CLVS1: variants seen among roughly 807,000 people sequenced by gnomAD.
CLVS1 encodes clavesin 1.
Under a neutral mutation model 33.1 loss-of-function variants are expected in CLVS1, and 10 were observed. The ratio of observed to expected loss-of-function variants is 0.30; its 90% CI spans 0.19 to 0.51. The LOEUF is 0.51. Among genes scored for constraint, CLVS1 ranks in the 20% least tolerant of loss-of-function variants. The pLI, the probability that CLVS1 is intolerant of heterozygous loss-of-function variation, is 0.97. For synonymous variants in CLVS1, 163 were observed against 166.1 expected (o/e 0.98, Z 0.14); for missense variants, 343 against 433.4 (o/e 0.79, Z 1.85).
chr8:61,241,994 T>C (rs1808706407), intron 2 of CLVS1, among the ~76,000 whole-genome samples: 1 of 152,190 alleles, frequency 6.6e-6, no homozygotes, highest in Non-Finnish European at 1.5e-5. Context: ...GTCTCTATTT[T>C]TTCTAAACGT....
chr8:61,414,800 C>G (rs1449747031), intron 3 of CLVS1, among the ~76,000 whole-genome samples: 1 of 152,206 alleles, frequency 6.6e-6, no homozygotes, highest in Non-Finnish European at 1.5e-5. Flanking sequence ...CAGGTAGCTT[C>G]CCCCAGGCCT....
At chr8:61,303,476 T>G (rs1281458716) in intron 2 of CLVS1, among the ~76,000 whole-genome samples, 1 of 151,992 alleles carries the variant, frequency 6.6e-6, no homozygotes, top group African/African-American at 2.4e-5. Flanking sequence ...GGAAGGGACT[T>G]AAAAATTCAC....
chr8:61,490,764 G>C (rs1306110154), intron 5 of CLVS1, among the ~76,000 whole-genome samples: 3 of 151,358 alleles, frequency 2.0e-5, no homozygotes, highest in Non-Finnish European at 2.9e-5. Flanking sequence ...TTCAGGACCA[G>C]CCTGGCCAAC....
the CLVS1 span, among the ~76,000 whole-genome samples, chr8:60,979,861 C>T: frequency 4.6e-5 from 7 of 152,164 alleles, no homozygotes; most frequent in Admixed American, 1.3e-4. Context: ...TTGTAGAACT[C>T]TTTTGGAAAA....
At chr8:61,055,146 A>G (rs1182260349), upstream of CLVS1, among the ~76,000 whole-genome samples, 1 of 152,244 alleles carries the variant, frequency 6.6e-6, no homozygotes, top group Non-Finnish European at 1.5e-5. Context: ...TTGAATTTGT[A>G]GCATTTGACA....
At chr8:61,162,826 C>T (rs899527221) in intron 2 of CLVS1, among the ~76,000 whole-genome samples, 4 of 152,130 alleles carry the variant, frequency 2.6e-5, no homozygotes, top group African/African-American at 9.7e-5. Context: ...TTTTATATCT[C>T]GAGAGCCTGG....
intron 2 of CLVS1, among the ~76,000 whole-genome samples, chr8:61,307,074 C>G (rs954634317): frequency 6.6e-6 from 1 of 152,080 alleles, no homozygotes; most frequent in African/African-American, 2.4e-5. Flanking sequence ...GTTGGTGAAT[C>G]CAGATAATAA....
At chr8:61,059,190 A>G (rs983848779) in intron 1 of CLVS1, among the ~76,000 whole-genome samples, 22 of 152,048 alleles carry the variant, frequency 1.4e-4, no homozygotes, top group Non-Finnish European at 2.8e-4. Context: ...TAGTTCCTCC[A>G]TACCTTAGCC....
At chr8:61,251,007 A>T (rs1034742570) in intron 2 of CLVS1, among the ~76,000 whole-genome samples, 3 of 152,206 alleles carry the variant, frequency 2.0e-5, no homozygotes, top group Non-Finnish European at 4.4e-5. Context: ...TTCAAAGGGA[A>T]TGCTTCCAGT....
intron 1 of CLVS1, among the ~76,000 whole-genome samples, chr8:61,058,025 A>G (rs545758634): frequency 6.6e-6 from 1 of 152,382 alleles, no homozygotes; most frequent in East Asian, 1.9e-4. Context: ...TATGGAAAAC[A>G]GACACAATAA....
intron 3 of CLVS1, among the ~76,000 whole-genome samples, chr8:61,428,833 C>T (rs1462487617): frequency 6.6e-6 from 1 of 152,170 alleles, no homozygotes; most frequent in South Asian, 2.1e-4. Flanking sequence ...AGATATTGAT[C>T]CACAACTGGT....
At chr8:61,115,547 C>A (rs1232151741) in intron 1 of CLVS1, among the ~76,000 whole-genome samples, 1 of 151,678 alleles carries the variant, frequency 6.6e-6, no homozygotes, top group African/African-American at 2.4e-5. Context: ...CCACAACAGT[C>A]CCCAGTGTGA....
intron 5 of CLVS1, among the ~76,000 whole-genome samples, chr8:61,489,653 TTGA>T (rs1302812876): frequency 2.0e-5 from 3 of 152,310 alleles, no homozygotes; most frequent in East Asian, 3.9e-4. Context: ...CAAATGGTTG[TTGA>T]TGATGATGAT....
rs531045657 is a variant in CLVS1, at chr8:61,499,718, C to CAAAG, written c.*178_*181dup. 629 of 438,864 alleles carry CAAAG rather than the reference C, an allele frequency of 1.4e-3. 1 individual carries two copies. Among genetic ancestry groups the CAAAG allele is most frequent in the Admixed American group, 2.4e-3 (69 of 28,190 alleles). The allele number at this position is 438,864 out of a possible 1,614,324, so 27.2% of individuals were successfully genotyped here. On this transcript the variant is annotated 3_prime_UTR_variant, in exon 6 of 6. Coordinates refer to ENST00000325897, the MANE Select transcript of CLVS1 (RefSeq NM_173519.3). ...ATCGGTCTGAGCAGCCAAAGTTGGA[C>CAAAG]AAAGACTTGAGAGATGCTTTTTTTT... is the stretch of plus-strand genomic sequence containing the variant.
At chr8:61,149,495 T>C (rs558099898) in intron 2 of CLVS1, among the ~76,000 whole-genome samples, 2 of 134,338 alleles carry the variant, frequency 1.5e-5, no homozygotes, top group South Asian at 4.6e-4. Flanking sequence ...GAGGTTTCAG[T>C]GGGCCAAGAT....
chr8:61,121,081 C>T (rs1002257226), intron 1 of CLVS1, among the ~76,000 whole-genome samples: 19 of 151,972 alleles, frequency 1.3e-4, no homozygotes, highest in Non-Finnish European at 2.8e-4. Context: ...CGTGGTGCGC[C>T]GTTTTTTAAG....
intron 1 of CLVS1, among the ~76,000 whole-genome samples, chr8:61,121,388 G>T (rs555097904): frequency 6.6e-6 from 1 of 152,214 alleles, no homozygotes; most frequent in East Asian, 1.9e-4. Context: ...CGGCCATCTT[G>T]GCTCCTTATT....
intron 2 of CLVS1, among the ~76,000 whole-genome samples, chr8:61,269,117 C>A (rs1415810475): frequency 1.4e-5 from 2 of 147,798 alleles, no homozygotes; most frequent in Non-Finnish European, 3.0e-5. Context: ...AATGGTAATG[C>A]CTAGGTTTTC....
At chr8:61,107,064 T>C (rs1387987457) in intron 1 of CLVS1, among the ~76,000 whole-genome samples, 1 of 152,218 alleles carries the variant, frequency 6.6e-6, no homozygotes, top group Non-Finnish European at 1.5e-5. Flanking sequence ...CTCCCATAAA[T>C]GATCCTGATG....
Sources: gnomAD v4.1 joint callset for allele counts (sites outside exome capture counted in the v4.1 genomes callset) on GRCh38, gnomAD v4.1.1 for gene constraint, MANE v1.5 for transcripts, NCBI Gene and HGNC (gene_info 2026-07-23, HGNC 2026-07-21) for gene names.